CHD1: variants seen among roughly 807,000 people sequenced by gnomAD.
The protein encoded by CHD1 is chromodomain helicase DNA binding protein 1.
In CHD1, 36 loss-of-function variants were observed where a neutral mutation model predicts 224.2. The observed-to-expected ratio is 0.16, with a 90% CI of 0.12 to 0.21. CHD1 has a LOEUF of 0.21. CHD1 is among the 10% of genes least tolerant of loss of function. The pLI is 1.00. For synonymous variants in CHD1, 668 were observed against 658.3 expected (o/e 1.01, Z -0.23); for missense variants, 1,378 against 1,994.8 (o/e 0.69, Z 5.89).
intron 2 of CHD1, among the ~76,000 whole-genome samples, chr5:98,909,997 A>C (rs1752285456): frequency 6.6e-6 from 1 of 152,282 alleles, no homozygotes; most frequent in Admixed American, 6.5e-5. Context: ...GCTATAACCC[A>C]GCCATTTTAT....
At chr5:98,883,848 TATATATATA>T (rs1750400571) in intron 18 of CHD1, 1 of 33,188 alleles carries the variant, frequency 3.0e-5, no homozygotes, top group Non-Finnish European at 5.4e-5. Flanking sequence ...TATATATATA[TATATATATA>T]TATATTTTTT....
At chr5:98,898,480 AT>A (rs1333626479) in intron 9 of CHD1, 46 bp from the exon 10 acceptor site, 1 of 1,411,212 alleles carries the variant, frequency 7.1e-7, no homozygotes, top group Non-Finnish European at 9.4e-7. Flanking sequence ...TTTTTTTTAC[AT>A]TTAATCATCA....
In CHD1 at chr5:98,917,299, C is replaced by CCAAAAAAAAAAAAAAA. The variant is rs775841258; in HGVS notation, c.53+9034_53+9035insTTTTTTTTTTTTTTTG. On this transcript the variant is annotated intron_variant, in intron 2 of 35. Transcript: ENST00000614616. ...GCCCATCCCTCCAAAAACAAAGAAACAAAAAAAAAAAACAACCTCTTAATT... is the reference window on the plus strand; with the variant it reads ...GCCCATCCCTCCAAAAACAAAGAAACCAAAAAAAAAAAAAAAAAAAAAAAAAAACAACCTCTTAATT... Among the ~76,000 whole-genome samples, 54 of 119,842 alleles carry CCAAAAAAAAAAAAAAA rather than the reference C, an allele frequency of 4.5e-4. 2 individuals are homozygous for CCAAAAAAAAAAAAAAA. The highest frequency in any genetic ancestry group is 1.7e-3 in the African/African-American group (44 of 25,324). The allele number at this position is 119,842 out of a possible 152,430, so 78.6% of individuals were successfully genotyped here.
intron 11 of CHD1, among the ~76,000 whole-genome samples, 187 bp from the exon 12 acceptor site, chr5:98,896,629 C>T (rs1185653605): frequency 1.3e-5 from 2 of 151,454 alleles, no homozygotes; most frequent in Non-Finnish European, 2.9e-5. Context: ...ATCACTAATG[C>T]TGTAAGAAAA....
At chr5:98,862,171 T>C (rs1397219486) in intron 32 of CHD1, among the ~76,000 whole-genome samples, 1 of 152,016 alleles carries the variant, frequency 6.6e-6, no homozygotes, top group Non-Finnish European at 1.5e-5. Context: ...AATAAATAAA[T>C]CAAAATAAAA....
chr5:98,878,838 G>A (rs573152943), intron 23 of CHD1, among the ~76,000 whole-genome samples: 1 of 152,268 alleles, frequency 6.6e-6, no homozygotes, highest in African/African-American at 2.4e-5. Context: ...AGATTTGGAA[G>A]ATTCAGAAAA....
Position 98,926,331 on chromosome 5 carries a change from T to C in CHD1, c.53+3A>G. 1.3e-6 allele frequency: 2 copies of C among 1,514,256 alleles called. No individual in the cohort carries two copies. Among genetic ancestry groups the C allele is most frequent in the Non-Finnish European group, 8.9e-7 (1 of 1,123,570 alleles). 93.8% of individuals were successfully genotyped at this position (1,514,256 alleles called of 1,614,324 possible). On this transcript the variant is annotated splice_donor_region_variant and intron_variant, in intron 2 of 35. Transcript: ENST00000614616. ...AACAATTGATAACAAAGTGCTTACT[T>C]ACCTTGATTCTCCACTACTGTTTCT...
At chr5:98,881,512 CTTT>C (rs375349850) in intron 20 of CHD1, 137 bp from the exon 21 acceptor site, 1,236 of 441,876 alleles carry the variant, frequency 2.8e-3, no homozygotes, top group Middle Eastern at 4.3e-3. Context: ...TATTAGAATC[CTTT>C]TTTTTTTTTT....
At position 98,858,225 on chromosome 5, in the gene CHD1, T is replaced by C; in HGVS notation, c.4742A>G (p.Asn1581Ser). 1 of 1,613,246 alleles carries C rather than the reference T, an allele frequency of 6.2e-7. No homozygotes were observed. The highest frequency in any genetic ancestry group is 8.5e-7 in the Non-Finnish European group (1 of 1,179,358). Residue 1581 changes from asparagine to serine, a missense_variant, in exon 35 of 36, where the codon AAT becomes AGT. Around this residue, in one of 16 missense-constraint regions of CHD1, gnomAD observed 278 missense variants for 298.5 expected, o/e 0.93. Transcript: ENST00000614616. ...ATCCCAATCACGATGGTCTTTACCA[T>C]TACTAAAAGAAGAATAGGGTCTTTT... ...SRKRPYSSFSNGKDHRDWDHY... is the reference protein window; with the variant it reads ...SRKRPYSSFSSGKDHRDWDHY...
Position 98,888,101 on chromosome 5 carries a change from T to C in CHD1, c.2483A>G (p.Gln828Arg). ...DILAEYLKYR[Q>R]FPFQRLDGSI... ...TTAAATGCTTACTTGAAAGGGGAAT[T>C]GACGATATTTCAAATATTCTGCAAG... The change falls in exon 17 of 36, where the codon CAA (glutamine) becomes CGA (arginine). Residue 828 changes from glutamine to arginine, a missense_variant. Physicochemically the swap from Gln to Arg is conservative, Grantham distance 43 (BLOSUM62 1). This residue lies in a region of CHD1 where 57 missense variants were observed against 177.2 expected (regional missense o/e 0.32). Coordinates refer to ENST00000614616, the MANE Select transcript of CHD1 (RefSeq NM_001270.4). 6.3e-7 allele frequency: 1 copy of C among 1,591,244 alleles called. No homozygotes were observed. The highest frequency in any genetic ancestry group is 8.6e-7 in the Non-Finnish European group (1 of 1,166,686).
At position 98,873,672 on chromosome 5, in the gene CHD1, G is replaced by A; in HGVS notation, c.3492C>T (p.Asp1164=). 1 of 1,609,522 alleles carries A rather than the reference G, an allele frequency of 6.2e-7. No homozygotes were observed. Among genetic ancestry groups the A allele is most frequent in the Non-Finnish European group, 8.5e-7 (1 of 1,178,134 alleles). ...GTACCAATTCTCCCAGTCGTCTAAG[G>A]TCTGTTTCTGACTTATCAACTAACT... is the stretch of plus-strand genomic sequence containing the variant. The part of the protein sequence containing the change: ...DAELVDKSET[D]LRRLGELVHN... Residue 1164 remains aspartate (D), a synonymous_variant, in exon 26 of 36, where the codon GAC becomes GAT. Transcript: ENST00000614616.
intron 32 of CHD1, among the ~76,000 whole-genome samples, chr5:98,862,298 T>C (rs1748539743): frequency 1.3e-5 from 2 of 152,030 alleles, no homozygotes; most frequent in Admixed American, 1.3e-4. Flanking sequence ...GAATGAACAA[T>C]AAGGAATATG....
Position 98,898,307 on chromosome 5 carries a change from A to C in CHD1, c.1314T>G (p.Asp438Glu). 6.3e-7 allele frequency: 1 copy of C among 1,593,984 alleles called. No individual in the cohort carries two copies. The highest frequency in any genetic ancestry group is 2.3e-5 in the East Asian group (1 of 43,950). ...LISKKFQACI[D>E]EYFSRNQSKT... is the part of the protein sequence containing the mutation. ...TTGATTGGTTCCTGCTAAAATACTC[A>C]TCAATGCATGCTTGAAACTTTTTGG... Residue 438 changes from aspartate to glutamate, a missense_variant, in exon 10 of 36, where the codon GAT (aspartate) becomes GAG (glutamate). By Grantham distance (45) the Asp-to-Glu change is conservative. This residue lies in a region of CHD1 where 86 missense variants were observed against 97.7 expected (regional missense o/e 0.88). Coordinates refer to ENST00000614616, the MANE Select transcript of CHD1 (RefSeq NM_001270.4).
At chr5:98,869,312 C>A (rs1017728506) in intron 30 of CHD1, 3 of 981,132 alleles carry the variant, frequency 3.1e-6, no homozygotes, top group Middle Eastern at 5.2e-4. Flanking sequence ...GTATTACTAA[C>A]CAAATTTTAA....
At chr5:98,925,941 G>A (rs1561285648) in intron 2 of CHD1, among the ~76,000 whole-genome samples, 1 of 151,502 alleles carries the variant, frequency 6.6e-6, no homozygotes, top group East Asian at 1.9e-4. Context: ...GGACAGTACA[G>A]GTATAGAAGA....
At position 98,856,269 on chromosome 5, in the gene CHD1, C is replaced by T; in HGVS notation, c.*111G>A. On this transcript the variant is annotated 3_prime_UTR_variant, in exon 36 of 36. Transcript: ENST00000614616. The stretch of plus-strand genomic sequence containing the variant: ...ATCCTGGAAAGAAGTAACAATACTG[C>T]TACTGATAGAAGATCTGTTTATATC... 2 of 715,078 alleles carry T rather than the reference C, an allele frequency of 2.8e-6. No homozygotes were observed. The highest frequency in any genetic ancestry group is 5.2e-5 in the East Asian group (2 of 38,576). 44.3% of individuals were successfully genotyped at this position (715,078 alleles called of 1,614,324 possible).
In CHD1 at chr5:98,854,644, G is replaced by GA. The variant is rs1484377149; in HGVS notation, c.*1735dup. 6.6e-6 allele frequency: 1 copy of GA among 151,888 alleles called. No individual in the cohort carries two copies. Among genetic ancestry groups the GA allele is most frequent in the Non-Finnish European group, 1.5e-5 (1 of 67,940 alleles). 9.4% of individuals were successfully genotyped at this position (151,888 alleles called of 1,614,324 possible). A position where few individuals can be genotyped will look rare whatever the true frequency, so the allele number is the denominator to read the frequency against. ...CTTCAGGGTAACTGTATCAGAAAGA[G>GA]AAATTACTGCAAAAAACAAAACAAA... On this transcript the variant is annotated 3_prime_UTR_variant, in exon 36 of 36. Coordinates refer to ENST00000614616, the MANE Select transcript of CHD1 (RefSeq NM_001270.4).
Position 98,911,146 on chromosome 5 carries a change from A to AAAATAT in CHD1, c.54-6049_54-6048insATATTT, listed in dbSNP as rs1491111295. 4.6e-3 allele frequency among the ~76,000 whole-genome samples: 180 copies of AAAATAT among 39,080 alleles called. 1 individual carries two copies. The highest frequency in any genetic ancestry group is 0.023 in the Middle Eastern group (1 of 44). 25.6% of individuals were successfully genotyped at this position (39,080 alleles called of 152,430 possible). On this transcript the variant is annotated intron_variant, in intron 2 of 35. Coordinates refer to ENST00000614616, the MANE Select transcript of CHD1 (RefSeq NM_001270.4). The stretch of plus-strand genomic sequence containing the variant: ...TGCTAAAATGAAAAAAAAAAAAAAA[A>AAAATAT]ATATATATATATATATATATATATA...
chr5:98,865,125 A>AT (rs765198703), intron 31 of CHD1, among the ~76,000 whole-genome samples: 3 of 152,236 alleles, frequency 2.0e-5, no homozygotes, highest in Non-Finnish European at 4.4e-5. Context: ...AAAGAAGGGC[A>AT]ATGTTTGAGA....
Sources: allele counts gnomAD v4.1 joint callset (sites outside exome capture counted in the v4.1 genomes callset), GRCh38; gene constraint gnomAD v4.1.1; regional missense constraint gnomAD v4.1.1; transcripts MANE v1.5; gene names NCBI Gene and HGNC (gene_info 2026-07-23, HGNC 2026-07-21).